Variants in HDAC4 observed in about 807,000 individuals in gnomAD.
HDAC4 encodes the protein histone deacetylase A.
HDAC4 carries 16 observed loss-of-function variants against 135.1 expected under a neutral mutation model. The observed-to-expected ratio is 0.12, with a 90% CI of 0.08 to 0.18. HDAC4 has a LOEUF of 0.18. Among genes scored for constraint, HDAC4 ranks in the 10% least tolerant of loss-of-function variants. HDAC4 has a pLI of 1.00. For synonymous variants in HDAC4, 685 were observed against 653.4 expected (o/e 1.05, Z -0.74); for missense variants, 1,143 against 1,511.8 (o/e 0.76, Z 4.05).
intron 1 of HDAC4, among the ~76,000 whole-genome samples, chr2:239,384,226 T>C (rs1695626212): frequency 6.6e-6 from 1 of 152,198 alleles, no homozygotes. Context: ...CTGGGATACC[T>C]GCGTGGGCTG....
chr2:239,114,017 G>A (rs1328036713), intron 13 of HDAC4, among the ~76,000 whole-genome samples: 2 of 152,222 alleles, frequency 1.3e-5, no homozygotes, highest in Non-Finnish European at 1.5e-5. Flanking sequence ...AGCCTCTGGA[G>A]ACCACTGAGC....
intron 22 of HDAC4, among the ~76,000 whole-genome samples, chr2:239,073,437 G>C (rs2034403949): frequency 6.6e-6 from 1 of 152,228 alleles, no homozygotes; most frequent in South Asian, 2.1e-4. Context: ...GTCTCTGCCA[G>C]GACCACGTGA....
Position 239,285,971 on chromosome 2 carries a change from C to T in HDAC4, c.23-49307G>A, listed in dbSNP as rs1448615057. On this transcript the variant is annotated intron_variant, in intron 2 of 26. Coordinates refer to ENST00000543185, the MANE Select transcript of HDAC4 (RefSeq NM_001378414.1). This position sits in a 1 kb window ranked among gnomAD's most constrained non-coding sequence, Gnocchi z 4.5. Reference sequence around the variant, plus strand: ...GTAAGACCAGCGAGACATACGCTCCCAAGCAAACACAAGCCAACACAGAAA... The same window carrying T: ...GTAAGACCAGCGAGACATACGCTCCTAAGCAAACACAAGCCAACACAGAAA... Among the ~76,000 whole-genome samples the T allele has an allele frequency of 2.0e-5, 3 of 152,012 alleles. No homozygotes were observed. Among genetic ancestry groups the T allele is most frequent in the Non-Finnish European group, 4.4e-5 (3 of 67,994 alleles).
intron 24 of HDAC4, among the ~76,000 whole-genome samples, chr2:239,063,922 GGCTCAGC>G (rs1406824387): frequency 2.0e-5 from 3 of 152,332 alleles, no homozygotes; most frequent in African/African-American, 7.2e-5. Flanking sequence ...GGTGAGCCGA[GGCTCAGC>G]GCTGCCGGTC....
At chr2:239,288,629 T>C (rs566143995) in intron 2 of HDAC4, among the ~76,000 whole-genome samples, 6 of 151,896 alleles carry the variant, frequency 4.0e-5, no homozygotes, top group African/African-American at 1.4e-4. Flanking sequence ...AAAAATCAAC[T>C]GCAATTCCAA....
At chr2:239,120,412 C>CACAGACACAG (rs1553622897) in intron 12 of HDAC4, among the ~76,000 whole-genome samples, 16 of 139,892 alleles carry the variant, frequency 1.1e-4, no homozygotes, top group Non-Finnish European at 2.4e-4. Context: ...GACACACACA[C>CACAGACACAG]ACAGACACAG....
intron 6 of HDAC4, among the ~76,000 whole-genome samples, chr2:239,157,204 G>C (rs2042477887): frequency 6.6e-6 from 1 of 152,360 alleles, no homozygotes; most frequent in African/African-American, 2.4e-5. Context: ...ATAGGCAGCT[G>C]AGACGGGGCA....
rs555282791 is a variant in HDAC4 at position 239,280,959 on chromosome 2, C to T, written c.23-44295G>A. Among the ~76,000 whole-genome samples the T allele has an allele frequency of 3.0e-5, 4 of 132,206 alleles. No individual in the cohort carries two copies. The South Asian group carries it at 9.8e-4, about 32-fold the overall frequency. 86.7% of individuals were successfully genotyped at this position (132,206 alleles called of 152,430 possible). A position where few individuals can be genotyped will look rare whatever the true frequency, so the allele number is the denominator to read the frequency against. On this transcript the variant is annotated intron_variant, in intron 2 of 26. Coordinates refer to ENST00000543185, the MANE Select transcript of HDAC4 (RefSeq NM_001378414.1). ...TGTACACACCACTCTACAATGTACACACCACTCTACAATGAACACACCACT... is the reference window on the plus strand; with the variant it reads ...TGTACACACCACTCTACAATGTACATACCACTCTACAATGAACACACCACT...
rs765632061 is a variant in HDAC4, at chr2:239,068,592, C to A, written c.2766G>T (p.Pro922=). 6.2e-7 allele frequency: 1 copy of A among 1,613,882 alleles called. No individual in the cohort carries two copies. The highest frequency in any genetic ancestry group is 8.5e-7 in the Non-Finnish European group (1 of 1,179,952). The part of the protein sequence containing the change: ...YLAAFRTVVM[P]IASEFAPDVV... ...CATCCGGGGCAAACTCGCTGGCGAT[C>A]GGCATGACCACCGTTCTGCAAAGGA... Residue 922 remains proline, a synonymous_variant, in exon 23 of 27, where the codon CCG becomes CCT. Transcript: ENST00000543185. The surrounding 1 kb of genome is among the most constrained non-coding windows in gnomAD (Gnocchi z 4.4).
chr2:239,119,487 C>T lies in HDAC4; in HGVS notation c.1534-4177G>A, dbSNP rs184160762. 4.2e-4 allele frequency among the ~76,000 whole-genome samples: 64 copies of T among 151,476 alleles called. 1 individual carries two copies. The highest frequency in any genetic ancestry group is 4.1e-4 in the Non-Finnish European group (28 of 67,778). On this transcript the variant is annotated intron_variant, in intron 12 of 26. Coordinates refer to ENST00000543185, the MANE Select transcript of HDAC4 (RefSeq NM_001378414.1). ...AGCTCAGGGCTAAGGGTGCGGGGAC[C>T]AGAGCTCAGGGCTGAGGGCGCGGGG...
chr2:239,276,997 C>T (rs947517653), intron 2 of HDAC4, among the ~76,000 whole-genome samples: 2 of 152,168 alleles, frequency 1.3e-5, no homozygotes, highest in African/African-American at 4.8e-5. Flanking sequence ...CTGCTCTGTG[C>T]AGCCCCTTTC....
intron 1 of HDAC4, among the ~76,000 whole-genome samples, chr2:239,392,530 C>T (rs1179493163): frequency 1.3e-5 from 2 of 152,208 alleles, no homozygotes; most frequent in Non-Finnish European, 2.9e-5. Context: ...GGGCCACCCA[C>T]ATCCTGCAAG....
At chr2:239,314,694 G>A (rs972287893) in intron 2 of HDAC4, among the ~76,000 whole-genome samples, 5 of 152,164 alleles carry the variant, frequency 3.3e-5, no homozygotes, top group African/African-American at 1.2e-4. Context: ...CAGTAAAATA[G>A]CACGGAAGAA....
At chr2:239,369,748 G>T in intron 1 of HDAC4, among the ~76,000 whole-genome samples, 1 of 152,120 alleles carries the variant, frequency 6.6e-6, no homozygotes, top group East Asian at 1.9e-4. Context: ...TGACGTCTCA[G>T]CAGGCCTGGG....
chr2:239,078,890 G>A (rs574692405), intron 22 of HDAC4, among the ~76,000 whole-genome samples: 1 of 152,364 alleles, frequency 6.6e-6, no homozygotes, highest in South Asian at 2.1e-4. Context: ...TGACCTGAAA[G>A]AGGGCAGCAC....
Position 239,081,676 on chromosome 2 carries a change from C to A in HDAC4, c.2652+426G>T, listed in dbSNP as rs531508887. The stretch of plus-strand genomic sequence containing the variant: ...GAGTGGGCAGGCTCTGAACGGGGAC[C>A]TGGGGCGTTGTCAAGGAGCCGCTGG... On this transcript the variant is annotated intron_variant, in intron 21 of 26. Coordinates refer to ENST00000543185, the MANE Select transcript of HDAC4 (RefSeq NM_001378414.1). Among the ~76,000 whole-genome samples the A allele has an allele frequency of 3.3e-5, 5 of 152,328 alleles. No individual in the cohort carries two copies. The South Asian group carries it at 1.0e-3, about 32-fold the overall frequency.
At chr2:239,226,796 C>T (rs1220385088) in intron 3 of HDAC4, among the ~76,000 whole-genome samples, 1 of 152,210 alleles carries the variant, frequency 6.6e-6, no homozygotes, top group African/African-American at 2.4e-5. Context: ...GGCAGGCTCA[C>T]GGGTGGGGCT....
At chr2:239,238,880 T>A (rs2048031398) in intron 2 of HDAC4, among the ~76,000 whole-genome samples, 1 of 152,218 alleles carries the variant, frequency 6.6e-6, no homozygotes, top group African/African-American at 2.4e-5. Context: ...TTGGCTCACC[T>A]ACATTTCTGG....
At chr2:239,378,556 G>A (rs768613717) in intron 1 of HDAC4, among the ~76,000 whole-genome samples, 28 of 152,138 alleles carry the variant, frequency 1.8e-4, no homozygotes, top group Admixed American at 3.9e-4. Flanking sequence ...ACTCTCCTCT[G>A]CAGGCCTCCA....
Sources: gnomAD v4.1 joint callset for allele counts (sites outside exome capture counted in the v4.1 genomes callset) on GRCh38, gnomAD v4.1.1 for gene constraint, Gnocchi (gnomAD v3.1) non-coding constraint, MANE v1.5 for transcripts, NCBI Gene and HGNC (gene_info 2026-07-23, HGNC 2026-07-21) for gene names.